The following ZMPSTE24 variants were observed in gnomAD, a reference collection of about 807,000 sequenced individuals.
ZMPSTE24 encodes CAAX prenyl protease 1 homolog.
In ZMPSTE24, 48 loss-of-function variants were observed where a neutral mutation model predicts 56.7. The observed-to-expected ratio is 0.85, with a 90% CI of 0.67 to 1.08. ZMPSTE24 has a LOEUF of 1.08. ZMPSTE24 is among the 50% of genes least tolerant of loss of function. ZMPSTE24 has a pLI of 0.00. For missense variants in ZMPSTE24, 503 were observed against 548.7 expected (o/e 0.92, Z 0.83); for synonymous variants, 172 against 195.2 (o/e 0.88, Z 0.99).
chr1:40,280,271 G>C (rs1643714668), intron 6 of ZMPSTE24, among the ~76,000 whole-genome samples: 1 of 152,028 alleles, frequency 6.6e-6, no homozygotes, highest in Non-Finnish European at 1.5e-5. Context: ...CATCTTCAAG[G>C]CTCTCATCTC....
At chr1:40,263,553 A>G (rs1436920868) in intron 2 of ZMPSTE24, among the ~76,000 whole-genome samples, 2 of 152,204 alleles carry the variant, frequency 1.3e-5, no homozygotes, top group African/African-American at 2.4e-5. Context: ...TGAATGTGCT[A>G]AATTTATCTC....
Position 40,258,388 on chromosome 1 carries a change from G to C in ZMPSTE24, c.117G>C (p.Gln39His). Residue 39 changes from glutamine (Q) to histidine (H), a missense_variant, in exon 1 of 10, where the codon CAG becomes CAC. Transcript: ENST00000372759. ...ATCTTTGGGAGACCTTCCTAGCACA[G>C]CGGCAGGTGAGCCTAGACAGGGTCC... ...TVYLWETFLAQRQRRIYKTTT... is the reference protein window; with the variant it reads ...TVYLWETFLAHRQRRIYKTTT... The C allele has an allele frequency of 6.2e-7, 1 of 1,614,112 alleles. No homozygotes were observed. Among genetic ancestry groups the C allele is most frequent in the South Asian group, 1.1e-5 (1 of 91,088 alleles).
intron 2 of ZMPSTE24, 51 bp downstream of exon 2, chr1:40,261,036 C>A: frequency 6.2e-7 from 1 of 1,607,644 alleles, no homozygotes; most frequent in Non-Finnish European, 8.5e-7. Context: ...TTTTCATTTT[C>A]ATATTTTTGT....
At chr1:40,281,286 C>T (rs776531350) in intron 6 of ZMPSTE24, 57 bp from the exon 7 acceptor site, 97 of 1,561,468 alleles carry the variant, frequency 6.2e-5, no homozygotes, top group Non-Finnish European at 8.3e-5. Context: ...AGGAGTCTCT[C>T]CAAAGGACCC....
chr1:40,269,825 C>T, intron 4 of ZMPSTE24, 150 bp from the exon 5 acceptor site: 1 of 889,132 alleles, frequency 1.1e-6, no homozygotes, highest in Admixed American at 2.8e-5. Context: ...TACCCATTGT[C>T]TTAAGCTGCC....
Position 40,264,305 on chromosome 1 carries a change from G to A in ZMPSTE24, c.270+3320G>A, listed in dbSNP as rs192157027. ...GCTGAGATTGCAACACTGCACTCCA[G>A]CCTGGGTGACAGAGTGAGACTCCAT... On this transcript the variant is annotated intron_variant, in intron 2 of 9. Coordinates refer to ENST00000372759, the MANE Select transcript of ZMPSTE24 (RefSeq NM_005857.5). Among the ~76,000 whole-genome samples, 840 of 152,298 alleles carry A rather than the reference G, an allele frequency of 5.5e-3. 10 individuals carry two copies. Among genetic ancestry groups the A allele is most frequent in the African/African-American group, 0.019 (810 of 41,560 alleles).
At chr1:40,260,055 C>CTTTTTTT (rs11383054) in intron 1 of ZMPSTE24, among the ~76,000 whole-genome samples, 3 of 84,338 alleles carry the variant, frequency 3.6e-5, no homozygotes, top group Non-Finnish European at 4.3e-5. Context: ...GATCTTTCTC[C>CTTTTTTT]TTTTTTTTTT....
chr1:40,290,521 C>T (rs1203287834), intron 8 of ZMPSTE24: 30 of 187,478 alleles, frequency 1.6e-4, no homozygotes, highest in Admixed American at 2.6e-4. Context: ...AGTGCAGTGG[C>T]GCCATTTCAG....
intron 4 of ZMPSTE24, among the ~76,000 whole-genome samples, chr1:40,268,845 A>G (rs1643582849): frequency 6.6e-6 from 1 of 151,986 alleles, no homozygotes; most frequent in African/African-American, 2.4e-5. Flanking sequence ...TGGGAGGCTG[A>G]GGCGGGTGGA....
At chr1:40,277,247 G>A (rs926148686) in intron 6 of ZMPSTE24, among the ~76,000 whole-genome samples, 1 of 151,838 alleles carries the variant, frequency 6.6e-6, no homozygotes, top group Non-Finnish European at 1.5e-5. Context: ...CAGCACACCC[G>A]GCTAATTTTT....
intron 6 of ZMPSTE24, among the ~76,000 whole-genome samples, chr1:40,272,823 A>G (rs1047624986): frequency 1.3e-5 from 2 of 152,226 alleles, no homozygotes; most frequent in Admixed American, 1.3e-4. Flanking sequence ...ATCTTGGACA[A>G]GTGACTTCAC....
chr1:40,268,073 A>G (rs1478966861), intron 3 of ZMPSTE24, among the ~76,000 whole-genome samples: 1 of 152,210 alleles, frequency 6.6e-6, no homozygotes, highest in Non-Finnish European at 1.5e-5. Flanking sequence ...GCAATGGTTT[A>G]TTTCTCAATC....
chr1:40,270,925 C>T (rs1643608448), intron 5 of ZMPSTE24, among the ~76,000 whole-genome samples: 1 of 152,154 alleles, frequency 6.6e-6, no homozygotes, highest in East Asian at 1.9e-4. Context: ...TTAAGACCAG[C>T]CTGGGTAACA....
Position 40,292,810 on chromosome 1 carries a change from A to AT in ZMPSTE24, c.*145dup, listed in dbSNP as rs1643857454. 5 of 635,890 alleles carry AT rather than the reference A, an allele frequency of 7.9e-6. No individual in the cohort carries two copies. The highest frequency in any genetic ancestry group is 1.1e-5 in the Non-Finnish European group (4 of 376,990). The allele number at this position is 635,890 out of a possible 1,614,324, so 39.4% of individuals were successfully genotyped here. A position where few individuals can be genotyped will look rare whatever the true frequency, so the allele number is the denominator to read the frequency against. On this transcript the variant is annotated 3_prime_UTR_variant, in exon 10 of 10. Coordinates refer to ENST00000372759, the MANE Select transcript of ZMPSTE24 (RefSeq NM_005857.5). The stretch of plus-strand genomic sequence containing the variant: ...CAGATTTAAATACATTTAATATGTC[A>AT]TTTTAAAAATGATTTTAATAATTCA...
intron 6 of ZMPSTE24, among the ~76,000 whole-genome samples, chr1:40,278,149 C>G (rs1454629455): frequency 6.6e-6 from 1 of 151,964 alleles, no homozygotes; most frequent in Non-Finnish European, 1.5e-5. Flanking sequence ...AGTTTTACTA[C>G]TAAACATACT....
chr1:40,262,854 AC>A, intron 2 of ZMPSTE24: 2 of 1,143,852 alleles, frequency 1.7e-6, no homozygotes, highest in South Asian at 3.5e-5. Flanking sequence ...TTGTTGAACA[AC>A]TTAACAACAC....
At chr1:40,288,867 T>A (rs1643811518) in intron 8 of ZMPSTE24, among the ~76,000 whole-genome samples, 1 of 152,140 alleles carries the variant, frequency 6.6e-6, no homozygotes, top group South Asian at 2.1e-4. Flanking sequence ...TAAATTAGGA[T>A]ATATATCCTT....
In ZMPSTE24 at chr1:40,266,381, G is replaced by A. The variant is rs185369358; in HGVS notation, c.271-1405G>A. Among the ~76,000 whole-genome samples the A allele has an allele frequency of 4.2e-3, 641 of 152,300 alleles. 7 individuals carry two copies. The highest frequency in any genetic ancestry group is 0.015 in the African/African-American group (625 of 41,562). On this transcript the variant is annotated intron_variant, in intron 2 of 9. Transcript: ENST00000372759. Reference sequence around the variant, plus strand: ...CCTCTTGACAAATGAGTTCCACAAAGTTGTATGTGTTTTGGGCGGTAGAAT... The same window carrying A: ...CCTCTTGACAAATGAGTTCCACAAAATTGTATGTGTTTTGGGCGGTAGAAT...
intron 4 of ZMPSTE24, among the ~76,000 whole-genome samples, chr1:40,268,942 G>C (rs1369424200): frequency 6.6e-6 from 1 of 151,822 alleles, no homozygotes; most frequent in African/African-American, 2.4e-5. Context: ...CGGGCTTGGT[G>C]GTGGGCGCCT....
Sources: gnomAD v4.1 joint callset for allele counts (sites outside exome capture counted in the v4.1 genomes callset) on GRCh38, gnomAD v4.1.1 for gene constraint, MANE v1.5 for transcripts, NCBI Gene and HGNC (gene_info 2026-07-23, HGNC 2026-07-21) for gene names.